The following MCF2 variants were observed in gnomAD, a reference collection of about 807,000 sequenced individuals.
MCF2 encodes proto-oncogene DBL.
MCF2 carries 44 observed loss-of-function variants against 82.5 expected under a neutral mutation model. That is an observed-to-expected ratio of 0.53 (90% CI 0.42 to 0.69). The LOEUF (loss-of-function observed/expected upper bound fraction) is 0.69, where lower values mean the gene tolerates loss of function less well. MCF2 is among the 30% of genes least tolerant of loss of function. MCF2 has a pLI of 0.00. For synonymous variants in MCF2, 217 were observed against 224.9 expected, an observed-to-expected ratio of 0.96 and a Z score of 0.32; for missense variants, 623 against 663.1, an observed-to-expected ratio of 0.94 and a Z score of 0.66.
rs184853316 is a variant in MCF2 at position 139,655,195 on chromosome X, T to C, written c.-44-3407A>G. ...ATCTGAAGCATGCCCTGGAATTTGA[T>C]AGAGATTGCATCGAATCTGTAAATT... On this transcript the variant is annotated intron_variant, in intron 1 of 27. Coordinates refer to the MCF2 transcript ENST00000414978. Among the ~76,000 whole-genome samples the C allele has an allele frequency of 4.5e-5, 5 of 112,228 alleles. No homozygotes were observed. In the Admixed American group the frequency reaches 4.7e-4, roughly 11 times the overall value.
rs557395318 is a variant in MCF2 at position 139,686,633 on chromosome X, T to C, written c.-45+21473A>G. On this transcript the variant is annotated intron_variant, in intron 1 of 27. Transcript: ENST00000414978. ...CTCCATCTCCACTGATGAAAATTTCTGCCATCCACTTGCTAAAGCCAAAAA... is the reference window on the plus strand; with the variant it reads ...CTCCATCTCCACTGATGAAAATTTCCGCCATCCACTTGCTAAAGCCAAAAA... Among the ~76,000 whole-genome samples the C allele has an allele frequency of 5.4e-5, 6 of 112,062 alleles. No homozygotes were observed. In the South Asian group the frequency reaches 2.3e-3, roughly 42 times the overall value.
intron 1 of MCF2, among the ~76,000 whole-genome samples, chrX:139,697,348 T>C (rs1935403887): frequency 8.9e-6 from 1 of 112,061 alleles, no homozygotes; most frequent in Admixed American, 9.5e-5. Flanking sequence ...CCTAATGATA[T>C]TATTTGAACA....
At chrX:139,632,431 G>A in exon 2 of MCF2, 1 of 1,201,674 alleles carries the variant, frequency 8.3e-7, no homozygotes, top group Non-Finnish European at 1.1e-6. Context: ...CCAAAACCAA[G>A]TGCAAGTTCC....
intron 1 of MCF2, among the ~76,000 whole-genome samples, chrX:139,637,430 C>T (rs139413976): frequency 2.0e-3 from 225 of 112,012 alleles, no homozygotes; most frequent in African/African-American, 7.0e-3. Context: ...CAGACCATAA[C>T]AGGTGCCTAC....
chrX:139,608,504 G>A (rs1931229989), intron 11 of MCF2, among the ~76,000 whole-genome samples: 1 of 111,238 alleles, frequency 9.0e-6, no homozygotes, highest in African/African-American at 3.3e-5. Context: ...TTTCTTTTAA[G>A]AAGCATTTGA....
At chrX:139,695,032 CT>C (rs200562872) in intron 1 of MCF2, among the ~76,000 whole-genome samples, 9,160 of 94,649 alleles carry the variant, frequency 0.097, 382 homozygotes, top group South Asian at 0.19. Context: ...TGTATTCTTT[CT>C]TTTTTTTTTT....
intron 1 of MCF2, among the ~76,000 whole-genome samples, chrX:139,673,081 A>T (rs1418987425): frequency 8.9e-6 from 1 of 111,802 alleles, no homozygotes; most frequent in Non-Finnish European, 1.9e-5. Flanking sequence ...CATTTCTTCT[A>T]GATTTTCTAG....
intron 11 of MCF2, among the ~76,000 whole-genome samples, chrX:139,609,426 G>A (rs1231629982): frequency 9.0e-6 from 1 of 111,351 alleles, no homozygotes; most frequent in Admixed American, 9.5e-5. Context: ...GCCCATGCCT[G>A]TAGTCTAAGA....
At chrX:139,656,625 T>A (rs1378040506) in intron 1 of MCF2, among the ~76,000 whole-genome samples, 3 of 111,597 alleles carry the variant, frequency 2.7e-5, no homozygotes, top group Admixed American at 9.5e-5. Context: ...AGACACACAG[T>A]TATCAATTGA....
intron 6 of MCF2, among the ~76,000 whole-genome samples, chrX:139,625,579 C>T (rs1389107163): frequency 9.0e-6 from 1 of 111,439 alleles, no homozygotes; most frequent in African/African-American, 3.3e-5. Flanking sequence ...TTCCTTGGAT[C>T]CTCTGGTGAA....
At chrX:139,693,682 A>T (rs748415298) in intron 1 of MCF2, among the ~76,000 whole-genome samples, 1 of 112,070 alleles carries the variant, frequency 8.9e-6, no homozygotes, top group Non-Finnish European at 1.9e-5. Flanking sequence ...GTAGAGGAGC[A>T]AATAGTTAAA....
chrX:139,645,502 T>G, upstream of MCF2: 3 of 653,816 alleles, frequency 4.6e-6, no homozygotes, highest in Non-Finnish European at 7.1e-6. Context: ...AATCTATACC[T>G]CCCAAAACAG....
chrX:139,631,428 C>T, exon 3 of MCF2: 1 of 1,204,489 alleles, frequency 8.3e-7, no homozygotes, highest in Non-Finnish European at 1.1e-6. Flanking sequence ...TGTGGCAGTA[C>T]TGCAAGGTGC....
At chrX:139,610,811 A>G (rs930101849) in intron 10 of MCF2, among the ~76,000 whole-genome samples, 12 of 111,553 alleles carry the variant, frequency 1.1e-4, no homozygotes, top group Non-Finnish European at 1.7e-4. Flanking sequence ...TTTAATACCC[A>G]AAATCATCCT....
At chrX:139,636,191 T>A (rs1303944339) in intron 1 of MCF2, among the ~76,000 whole-genome samples, 2 of 111,168 alleles carry the variant, frequency 1.8e-5, no homozygotes, top group African/African-American at 6.5e-5. Flanking sequence ...CAGGGACTTG[T>A]GGGAACTTTT....
exon 1 of MCF2, chrX:139,642,837 G>A (rs932181884): frequency 3.2e-6 from 3 of 925,016 alleles, no homozygotes; most frequent in Non-Finnish European, 4.0e-6. Context: ...GATCAGGCAT[G>A]TCCTAAGAGT....
chrX:139,614,221 TAGAA>T (rs941479359), intron 10 of MCF2, among the ~76,000 whole-genome samples: 1 of 111,543 alleles, frequency 9.0e-6, no homozygotes, highest in Non-Finnish European at 1.9e-5. Flanking sequence ...CCATAGAACT[TAGAA>T]AGAAAATAGA....
chrX:139,663,261 G>A (rs773729108), intron 1 of MCF2, among the ~76,000 whole-genome samples: 10 of 111,990 alleles, frequency 8.9e-5, no homozygotes, highest in African/African-American at 1.9e-4. Flanking sequence ...ATTTCTACCC[G>A]CAGTATATAA....
At chrX:139,664,618 A>G (rs1934456766) in intron 1 of MCF2, among the ~76,000 whole-genome samples, 1 of 112,290 alleles carries the variant, frequency 8.9e-6, no homozygotes. Flanking sequence ...TCCCAGAGGC[A>G]AGGCCTGGAA....
Sources: allele counts gnomAD v4.1 joint callset (sites outside exome capture counted in the v4.1 genomes callset), GRCh38; gene constraint gnomAD v4.1.1; transcripts MANE v1.5; gene names NCBI Gene and HGNC (gene_info 2026-07-23, HGNC 2026-07-21).